The following CACNB2 variants were observed in gnomAD, a reference collection of about 807,000 sequenced individuals.
The protein encoded by CACNB2 is voltage-dependent L-type calcium channel subunit beta-2.
Under a neutral mutation model 73.3 loss-of-function variants are expected in CACNB2, and 42 were observed. That is an observed-to-expected ratio of 0.57 (90% CI 0.45 to 0.74). CACNB2 has a LOEUF of 0.74. Ranked by LOEUF, CACNB2 falls within the 30% of genes least tolerant of loss-of-function variation. The probability of loss-of-function intolerance (pLI) is 0.00; values close to 1 mark genes in which losing one functional copy is unlikely to be tolerated. For synonymous variants in CACNB2, 348 were observed against 310.3 expected (o/e 1.12, Z -1.28); for missense variants, 940 against 853.0 (o/e 1.10, Z -1.27).
intron 2 of CACNB2, among the ~76,000 whole-genome samples, chr10:18,308,113 C>T (rs2039815242): frequency 6.7e-6 from 1 of 149,800 alleles, no homozygotes; most frequent in Non-Finnish European, 1.5e-5. Context: ...CCTATCTCAG[C>T]CTCCTGAGCA....
intron 2 of CACNB2, among the ~76,000 whole-genome samples, chr10:18,391,257 A>G (rs1271731258): frequency 6.6e-6 from 1 of 152,226 alleles, no homozygotes; most frequent in Admixed American, 6.5e-5. Flanking sequence ...TATTCATTAT[A>G]AATATTTATC....
At chr10:18,442,871 T>C (rs1249563166) in intron 3 of CACNB2, among the ~76,000 whole-genome samples, 3 of 143,590 alleles carry the variant, frequency 2.1e-5, no homozygotes, top group African/African-American at 7.6e-5. Flanking sequence ...ATTAAAGAGC[T>C]TGAGTGTATC....
chr10:18,367,353 A>G lies in CACNB2; in HGVS notation c.214-34571A>G, dbSNP rs991084136. Among the ~76,000 whole-genome samples, 15 of 152,182 alleles carry G rather than the reference A, an allele frequency of 9.9e-5. No individual in the cohort carries two copies. In the South Asian group the frequency reaches 1.7e-3, roughly 17 times the overall value. On this transcript the variant is annotated intron_variant, in intron 2 of 13. Coordinates refer to ENST00000324631, the MANE Select transcript of CACNB2 (RefSeq NM_201596.3). ...GAACTTGGATTTTAAATAGTTTTCA[A>G]TATCTTCACACGTCTTCTGAAAAGG...
rs139389227 is a variant in CACNB2 at position 18,427,580 on chromosome 10, A to G, written c.333+25537A>G. On this transcript the variant is annotated intron_variant, in intron 3 of 13. Coordinates refer to ENST00000324631, the MANE Select transcript of CACNB2 (RefSeq NM_201596.3). Reference sequence around the variant, plus strand: ...ATTATGTATTCCTTGAGTATTTTCTATAACTCACTGGGAAAATTCCTAAAC... The same window carrying G: ...ATTATGTATTCCTTGAGTATTTTCTGTAACTCACTGGGAAAATTCCTAAAC... Among the ~76,000 whole-genome samples the G allele has an allele frequency of 7.5e-3, 1,137 of 152,286 alleles. 22 individuals are homozygous for G. Among genetic ancestry groups the G allele is most frequent in the African/African-American group, 0.026 (1,093 of 41,566 alleles).
intron 9 of CACNB2, among the ~76,000 whole-genome samples, chr10:18,523,790 G>GA (rs1207973270): frequency 6.6e-6 from 1 of 152,132 alleles, no homozygotes; most frequent in African/African-American, 2.4e-5. Context: ...TTCTAAAAGG[G>GA]AAAAATGAAT....
chr10:18,293,371 T>C (rs1436356524), intron 2 of CACNB2, among the ~76,000 whole-genome samples: 1 of 152,242 alleles, frequency 6.6e-6, no homozygotes, highest in Non-Finnish European at 1.5e-5. Context: ...CTAGTTCTGA[T>C]GTCCAAATGT....
rs1359867390 is a variant in CACNB2, at chr10:18,242,988, C to T, written c.213+92013C>T. Among the ~76,000 whole-genome samples, 40 of 134,260 alleles carry T rather than the reference C, an allele frequency of 3.0e-4. No homozygotes were observed. The East Asian group carries it at 5.8e-3, about 19-fold the overall frequency. The allele number at this position is 134,260 out of a possible 152,430, so 88.1% of individuals were successfully genotyped here. ...TTGCGCCACTGCACTCCAGCCTGGG[C>T]GACAGAGCAAGACTGTCTCAAAAAA... On this transcript the variant is annotated intron_variant, in intron 2 of 13. Transcript: ENST00000324631.
At chr10:18,403,769 G>A (rs1052558375) in intron 3 of CACNB2, among the ~76,000 whole-genome samples, 1 of 151,744 alleles carries the variant, frequency 6.6e-6, no homozygotes, top group African/African-American at 2.4e-5. Flanking sequence ...AAAAGAAAAT[G>A]AAGAGACTTT....
At chr10:18,258,568 A>T (rs1246813923) in intron 2 of CACNB2, among the ~76,000 whole-genome samples, 1 of 152,124 alleles carries the variant, frequency 6.6e-6, no homozygotes, top group African/African-American at 2.4e-5. Context: ...TCTACTAAAA[A>T]TACAAAAATT....
At chr10:18,365,484 G>A (rs2132250109) in intron 2 of CACNB2, among the ~76,000 whole-genome samples, 1 of 152,166 alleles carries the variant, frequency 6.6e-6, no homozygotes, top group South Asian at 2.1e-4. Flanking sequence ...CCAAGTTTGG[G>A]CTTCTTTTGG....
intron 2 of CACNB2, among the ~76,000 whole-genome samples, chr10:18,379,865 T>C (rs1181615008): frequency 6.6e-6 from 1 of 152,138 alleles, no homozygotes; most frequent in Admixed American, 6.5e-5. Context: ...TTTTGTATTT[T>C]CTGTGGAGAC....
chr10:18,226,544 AGAGATG>A (rs1333669855), intron 2 of CACNB2, among the ~76,000 whole-genome samples: 1 of 152,206 alleles, frequency 6.6e-6, no homozygotes, highest in African/African-American at 2.4e-5. Flanking sequence ...AGTAAGAGGC[AGAGATG>A]GGGATTTAAA....
intron 1 of CACNB2, among the ~76,000 whole-genome samples, chr10:18,147,518 T>C (rs934417998): frequency 6.6e-6 from 1 of 152,200 alleles, no homozygotes; most frequent in Non-Finnish European, 1.5e-5. Context: ...AGGGAGAATC[T>C]ATAGGTAACA....
At chr10:18,478,146 G>A (rs866623204) in intron 3 of CACNB2, among the ~76,000 whole-genome samples, 1 of 152,198 alleles carries the variant, frequency 6.6e-6, no homozygotes, top group Middle Eastern at 3.4e-3. Context: ...TGCCCAGGAT[G>A]GTCTCAAACT....
chr10:18,251,629 G>T (rs2037094658), intron 2 of CACNB2, among the ~76,000 whole-genome samples: 1 of 152,150 alleles, frequency 6.6e-6, no homozygotes, highest in Admixed American at 6.5e-5. Flanking sequence ...ACCTGAGACT[G>T]GGTAACTTAT....
At position 18,489,898 on chromosome 10, in the gene CACNB2, G is replaced by A. The variant is rs965470519; in HGVS notation, c.334-8457G>A. Among the ~76,000 whole-genome samples, 25 of 152,174 alleles carry A rather than the reference G, an allele frequency of 1.6e-4. 1 individual carries two copies. In the East Asian group the frequency reaches 3.5e-3, roughly 21 times the overall value. ...TGGTGTTTTAGTTTCGGTTTTTTGA[G>A]ACAGGGTCTCTCTCTGTTGCCCAGG... On this transcript the variant is annotated intron_variant, in intron 3 of 13. Coordinates refer to ENST00000324631, the MANE Select transcript of CACNB2 (RefSeq NM_201596.3).
chr10:18,540,963 T>TAGAG lies in CACNB2; in HGVS notation c.*1242_*1245dup, dbSNP rs2054039082. 6.6e-6 allele frequency: 1 copy of TAGAG among 152,652 alleles called. No homozygotes were observed. The highest frequency in any genetic ancestry group is 2.4e-5 in the African/African-American group (1 of 41,450). 9.5% of individuals were successfully genotyped at this position (152,652 alleles called of 1,614,324 possible). On this transcript the variant is annotated 3_prime_UTR_variant, in exon 14 of 14. Coordinates refer to ENST00000324631, the MANE Select transcript of CACNB2 (RefSeq NM_201596.3). ...TCTGCTGCCTCCTTGTTTTTGCTCC[T>TAGAG]AGAGAGTGAAAATACAGGCAATTTT... is the stretch of plus-strand genomic sequence containing the variant.
chr10:18,491,203 A>G (rs1290048333), intron 3 of CACNB2, among the ~76,000 whole-genome samples: 1 of 152,232 alleles, frequency 6.6e-6, no homozygotes, highest in Non-Finnish European at 1.5e-5. Flanking sequence ...AATCAGTTCT[A>G]TTCATCAGTA....
At chr10:18,380,428 T>G (rs1229478918) in intron 2 of CACNB2, among the ~76,000 whole-genome samples, 4 of 151,360 alleles carry the variant, frequency 2.6e-5, no homozygotes, top group African/African-American at 9.7e-5. Flanking sequence ...AATGAGAAAT[T>G]GCTAACTTGA....
Sources: allele counts gnomAD v4.1 joint callset (sites outside exome capture counted in the v4.1 genomes callset), GRCh38; gene constraint gnomAD v4.1.1; transcripts MANE v1.5; gene names NCBI Gene and HGNC (gene_info 2026-07-23, HGNC 2026-07-21).